Variants in TLE5 observed in about 807,000 individuals in gnomAD.
TLE5 encodes the protein TLE family member 5, transcriptional modulator.
A neutral mutation model predicts 25.8 loss-of-function variants in TLE5; 7 were observed. The observed-to-expected ratio is 0.27, with a 90% CI of 0.15 to 0.51. TLE5 has a LOEUF of 0.51. Among genes scored for constraint, TLE5 ranks in the 20% least tolerant of loss-of-function variants. TLE5 has a pLI of 0.97. For missense variants in TLE5, 149 were observed against 250.7 expected (o/e 0.59, Z 2.74); for synonymous variants, 132 against 110.5 (o/e 1.20, Z -1.22).
chr19:3,053,489 A>C lies in TLE5; in HGVS notation c.*330T>G. 2.6e-6 allele frequency: 1 copy of C among 378,552 alleles called. No individual in the cohort carries two copies. Among genetic ancestry groups the C allele is most frequent in the Non-Finnish European group, 4.8e-6 (1 of 206,508 alleles). 23.4% of individuals were successfully genotyped at this position (378,552 alleles called of 1,614,324 possible). On this transcript the variant is annotated 3_prime_UTR_variant, in exon 7 of 7. Transcript: ENST00000327141. Reference sequence around the variant, plus strand: ...GGTTACACATGTTCAAAACGGGGGAAGGGCCGGGGCTGCTGCGCTTCGCGA... The same window carrying C: ...GGTTACACATGTTCAAAACGGGGGACGGGCCGGGGCTGCTGCGCTTCGCGA...
In TLE5 at chr19:3,062,103, C is replaced by T. The variant is rs1328635827; in HGVS notation, c.27+71G>A. The T allele has an allele frequency of 6.6e-6, 4 of 601,888 alleles. No individual in the cohort carries two copies. In the African/African-American group the frequency reaches 1.7e-4, roughly 25 times the overall value. The allele number at this position is 601,888 out of a possible 1,614,324, so 37.3% of individuals were successfully genotyped here. ...GCCTGGGGGTTGGGGGGCGCGGGGC[C>T]GGGAGCCGGGGGTCGGGGGCGTAGG... On this transcript the variant is annotated intron_variant, in intron 1 of 6. Transcript: ENST00000327141.
chr19:3,054,086 T>TCGGGGGGGGGGGG, intron 6 of TLE5, 34 bp downstream of exon 6: 7 of 1,512,716 alleles, frequency 4.6e-6, no homozygotes, highest in African/African-American at 1.4e-5. Context: ...GGCCCACCTG[T>TCGGGGGGGGGGGG]CCCCCGCCCA....
intron 3 of TLE5, 64 bp downstream of exon 3, chr19:3,057,615 G>T: frequency 6.7e-7 from 1 of 1,499,028 alleles, no homozygotes; most frequent in Non-Finnish European, 9.3e-7. Context: ...GCCCGTGGTG[G>T]AGGGGATGTG....
rs202117181 is a variant in TLE5 at position 3,054,049 on chromosome 19, C to A, written c.373-9G>T. ...TGGGCTTGGAGCTGCTGCTGCAGGG[C>A]GGGGGAGGGGAACATTAGCTGCCTG... On this transcript the variant is annotated splice_polypyrimidine_tract_variant and intron_variant, in intron 6 of 6. Coordinates refer to ENST00000327141, the MANE Select transcript of TLE5 (RefSeq NM_001130.6). 1 of 1,577,086 alleles carries A rather than the reference C, an allele frequency of 6.3e-7. No homozygotes were observed. The highest frequency in any genetic ancestry group is 1.1e-5 in the South Asian group (1 of 87,048).
rs370465401 is a variant in TLE5 at position 3,057,479 on chromosome 19, G to A, written c.189+200C>T. Reference sequence around the variant, plus strand: ...CTGCAACCCGGCGGTTTGGCACCTCGGCCACTGCCTCGGCCATCTGCCAGG... The same window carrying A: ...CTGCAACCCGGCGGTTTGGCACCTCAGCCACTGCCTCGGCCATCTGCCAGG... On this transcript the variant is annotated intron_variant, in intron 3 of 6. Coordinates refer to ENST00000327141, the MANE Select transcript of TLE5 (RefSeq NM_001130.6). 5.3e-5 allele frequency: 31 copies of A among 582,084 alleles called. No individual in the cohort carries two copies. In the East Asian group the frequency reaches 7.2e-4, roughly 13 times the overall value. The allele number at this position is 582,084 out of a possible 1,614,324, so 36.1% of individuals were successfully genotyped here. A position where few individuals can be genotyped will look rare whatever the true frequency, so the allele number is the denominator to read the frequency against.
intron 2 of TLE5, among the ~76,000 whole-genome samples, chr19:3,059,245 G>T (rs961324455): frequency 3.9e-5 from 6 of 152,188 alleles, no homozygotes; most frequent in Non-Finnish European, 7.3e-5. Flanking sequence ...ACCGGGGCTG[G>T]GTGCAGTGGC....
intron 5 of TLE5, 176 bp downstream of exon 5, chr19:3,055,488 C>T (rs1277906108): frequency 6.6e-6 from 3 of 457,168 alleles, no homozygotes; most frequent in Non-Finnish European, 1.1e-5. Context: ...TGGAGTGTCT[C>T]TGGCCCGGGG....
intron 2 of TLE5, among the ~76,000 whole-genome samples, chr19:3,059,486 C>T (rs1466730289): frequency 6.6e-6 from 1 of 152,180 alleles, no homozygotes; most frequent in Non-Finnish European, 1.5e-5. Flanking sequence ...CGCGCCACTG[C>T]ACTCCAGCCT....
rs769857996 is a variant in TLE5, at chr19:3,053,876, G to A, written c.537C>T (p.Asp179=). Residue 179 remains aspartate (D), a synonymous_variant, in exon 7 of 7, where the codon GAC becomes GAT. Coordinates refer to ENST00000327141, the MANE Select transcript of TLE5 (RefSeq NM_001130.6). ...GGGTGTCACCATCGTGCCCGTTCTT[G>A]TCTTCCTTGGAGAGGTGGGCCTGGG... ...LGSQAHLSKE[D]KNGHDGDTHQ... 1.9e-6 allele frequency: 3 copies of A among 1,613,160 alleles called. No homozygotes were observed. Among genetic ancestry groups the A allele is most frequent in the African/African-American group, 2.7e-5 (2 of 74,918 alleles).
Position 3,054,668 on chromosome 19 carries a change from A to G in TLE5, c.298-474T>C, listed in dbSNP as rs555033612. 41 of 163,386 alleles carry G rather than the reference A, an allele frequency of 2.5e-4. No homozygotes were observed. The South Asian group carries it at 2.9e-3, about 12-fold the overall frequency. The allele number at this position is 163,386 out of a possible 1,614,324, so 10.1% of individuals were successfully genotyped here. A position where few individuals can be genotyped will look rare whatever the true frequency, so the allele number is the denominator to read the frequency against. On this transcript the variant is annotated intron_variant, in intron 5 of 6. Transcript: ENST00000327141. ...TCCTACCATGGCTGGGGAGGGCCCAATGAATTCTGGCAGGGCTGGCTGGGG... is the reference window on the plus strand; with the variant it reads ...TCCTACCATGGCTGGGGAGGGCCCAGTGAATTCTGGCAGGGCTGGCTGGGG...
At chr19:3,062,931 T>G, upstream of TLE5, 3 of 902,686 alleles carry the variant, frequency 3.3e-6, no homozygotes, top group Non-Finnish European at 5.1e-6. Context: ...GACACATTTA[T>G]AGAACGCCTA....
chr19:3,055,984 C>T (rs1025324038), intron 4 of TLE5: 27 of 524,418 alleles, frequency 5.1e-5, no homozygotes, highest in Non-Finnish European at 8.4e-5. Flanking sequence ...CTGCACATTC[C>T]TCGGGGGTCG....
Position 3,055,654 on chromosome 19 carries a change from T to C in TLE5, c.297+10A>G. 6.3e-7 allele frequency: 1 copy of C among 1,588,898 alleles called. No homozygotes were observed. The highest frequency in any genetic ancestry group is 8.6e-7 in the Non-Finnish European group (1 of 1,169,122). ...CCCTCACAACCCCTCCCCAAGGCCC[T>C]GGCTCTTACCTCTTGGGAGAGGTAG... On this transcript the variant is annotated intron_variant, in intron 5 of 6. Transcript: ENST00000327141.
Position 3,053,767 on chromosome 19 carries a change from GCCTCTGTCTCC to G in TLE5, c.*41_*51del, listed in dbSNP as rs967930208. ...GTGCTAAACATTCCTTTCTCTCCGT[GCCTCTGTCTCC>G]CCTCTGTCCCCCCTCCCAACCTCCC... On this transcript the variant is annotated 3_prime_UTR_variant, in exon 7 of 7. Transcript: ENST00000327141. 1.9e-6 allele frequency: 3 copies of G among 1,554,970 alleles called. No homozygotes were observed. The highest frequency in any genetic ancestry group is 1.4e-5 in the African/African-American group (1 of 74,010).
Position 3,061,465 on chromosome 19 carries a change from G to T in TLE5, c.28-208C>A, listed in dbSNP as rs145598678. ...AGCCGAGCGGGTGGGTGCGCCCGGA[G>T]CCGCCCCGTCCCCCGCCACCCCCAG... On this transcript the variant is annotated intron_variant, in intron 1 of 6. Transcript: ENST00000327141. 3,762 of 389,068 alleles carry T rather than the reference G, an allele frequency of 9.7e-3. 29 individuals are homozygous for T. The highest frequency in any genetic ancestry group is 0.021 in the Admixed American group (456 of 22,206). 24.1% of individuals were successfully genotyped at this position (389,068 alleles called of 1,614,324 possible). A position where few individuals can be genotyped will look rare whatever the true frequency, so the allele number is the denominator to read the frequency against.
At chr19:3,055,279 C>G (rs151189322) in intron 5 of TLE5, 1 of 163,540 alleles carries the variant, frequency 6.1e-6, no homozygotes, top group Non-Finnish European at 1.3e-5. Flanking sequence ...AATCCCCTAA[C>G]ACCCTCTAGT....
chr19:3,061,246 G>A lies in TLE5; in HGVS notation c.39C>T (p.His13=), dbSNP rs769226629. Residue 13 remains histidine, a synonymous_variant, in exon 2 of 7, where the codon CAC becomes CAT. Transcript: ENST00000327141. ...FPQSRHSGSS[H]LPQQLKFTTS... ...TGGTGAATTTGAGTTGCTGGGGTAG[G>A]TGCGAGGAGCCCTGTAGGGATGGGG... 29 of 1,613,488 alleles carry A rather than the reference G, an allele frequency of 1.8e-5. No homozygotes were observed. In the South Asian group the frequency reaches 2.4e-4, roughly 13 times the overall value.
Position 3,057,750 on chromosome 19 carries a change from G to A in TLE5, c.126-8C>T, listed in dbSNP as rs1417489794. The A allele has an allele frequency of 1.2e-5, 20 of 1,613,394 alleles. No homozygotes were observed. The Admixed American group carries it at 3.2e-4, about 26-fold the overall frequency. On this transcript the variant is annotated splice_polypyrimidine_tract_variant and splice_region_variant and intron_variant, in intron 2 of 6. Transcript: ENST00000327141. ...TCACATTCGAGCTTGAGGCTGAGGA[G>A]GCACAGGGGGGAGATGGGGTGGTTA...
chr19:3,057,420 GCCAAGGAC>G, intron 3 of TLE5: 1 of 507,546 alleles, frequency 2.0e-6, no homozygotes, highest in South Asian at 2.2e-5. Context: ...CTCCTCCGCT[GCCAAGGAC>G]AGCCGGGGGA....
Sources: allele counts gnomAD v4.1 joint callset (sites outside exome capture counted in the v4.1 genomes callset), GRCh38; gene constraint gnomAD v4.1.1; transcripts MANE v1.5; gene names NCBI Gene and HGNC (gene_info 2026-07-23, HGNC 2026-07-21).